Variants in TMEFF1 observed in about 807,000 individuals in gnomAD.
TMEFF1 encodes tomoregulin-1.
Under a neutral mutation model 47.5 loss-of-function variants are expected in TMEFF1, and 20 were observed. The observed-to-expected ratio is 0.42, with a 90% CI of 0.30 to 0.61. The LOEUF is 0.61. TMEFF1 is among the 20% of genes least tolerant of loss of function. The probability of loss-of-function intolerance (pLI) is 0.19; values close to 1 mark genes in which losing one functional copy is unlikely to be tolerated. For missense variants in TMEFF1, 411 were observed against 471.1 expected, an observed-to-expected ratio of 0.87 and a Z score of 1.18; for synonymous variants, 162 against 166.3, an observed-to-expected ratio of 0.97 and a Z score of 0.20.
At chr9:100,518,065 T>C (rs1325324578) in intron 5 of TMEFF1, among the ~76,000 whole-genome samples, 1 of 152,212 alleles carries the variant, frequency 6.6e-6, no homozygotes, top group East Asian at 1.9e-4. Context: ...CCCTATTTTA[T>C]ACATTTTTCT....
At chr9:100,513,258 G>A in intron 3 of TMEFF1, 49 bp from the exon 4 acceptor site, 3 of 1,576,582 alleles carry the variant, frequency 1.9e-6, no homozygotes, top group Non-Finnish European at 2.6e-6. Flanking sequence ...TTGATAAGAT[G>A]AAATTTCCGG....
chr9:100,513,399 T>C lies in TMEFF1; in HGVS notation c.463+66T>C, dbSNP rs527589697. The C allele has an allele frequency of 4.2e-4, 628 of 1,503,168 alleles. 1 individual carries two copies. Among genetic ancestry groups the C allele is most frequent in the Admixed American group, 6.2e-4 (27 of 43,210 alleles). The allele number at this position is 1,503,168 out of a possible 1,614,324, so 93.1% of individuals were successfully genotyped here. A position where few individuals can be genotyped will look rare whatever the true frequency, so the allele number is the denominator to read the frequency against. On this transcript the variant is annotated intron_variant, in intron 4 of 9. Transcript: ENST00000374879. ...TCTTTCTTTCTTTCTTTTTCTTTTT[T>C]TTTTTTTTTTTAAATCAGCTTTGAG...
intron 5 of TMEFF1, among the ~76,000 whole-genome samples, chr9:100,543,294 A>T (rs930425044): frequency 1.3e-5 from 2 of 151,754 alleles, no homozygotes; most frequent in African/African-American, 2.4e-5. Context: ...ATTTCCTCTG[A>T]CCTGTCTTCT....
At chr9:100,575,012 G>A (rs543088910) in intron 9 of TMEFF1, among the ~76,000 whole-genome samples, 1 of 152,270 alleles carries the variant, frequency 6.6e-6, no homozygotes, top group African/African-American at 2.4e-5. Context: ...TACGATTGAA[G>A]AGTCATCTCA....
At chr9:100,552,922 G>A (rs1838852261) in intron 7 of TMEFF1, among the ~76,000 whole-genome samples, 1 of 151,414 alleles carries the variant, frequency 6.6e-6, no homozygotes, top group African/African-American at 2.4e-5. Flanking sequence ...GATATGACCA[G>A]TGACTACCAT....
intron 1 of TMEFF1, among the ~76,000 whole-genome samples, chr9:100,475,616 G>A (rs1408959414): frequency 6.6e-6 from 1 of 152,084 alleles, no homozygotes; most frequent in African/African-American, 2.4e-5. Flanking sequence ...ATGTTTTTGT[G>A]TGTACTTTCT....
intron 2 of TMEFF1, among the ~76,000 whole-genome samples, chr9:100,503,019 A>T (rs189218932): frequency 6.6e-6 from 1 of 152,270 alleles, no homozygotes; most frequent in East Asian, 1.9e-4. Context: ...GCCTTCCTTT[A>T]TAAGATTATA....
In TMEFF1 at chr9:100,516,748, T is replaced by C. The variant is rs749119510; in HGVS notation, c.537T>C (p.Cys179=). 34 of 1,613,260 alleles carry C rather than the reference T, an allele frequency of 2.1e-5. No homozygotes were observed. The highest frequency in any genetic ancestry group is 2.9e-5 in the Non-Finnish European group (34 of 1,179,784). ...GACCCTGCAAATATAAAGCTGAGTG[T>C]GATGAAGATGCAGAAAATGTTGGGT... ...KCGPCKYKAE[C]DEDAENVGCV... The change falls in exon 5 of 10, where the codon TGT becomes TGC. Residue 179 remains cysteine (C), a synonymous_variant. Transcript: ENST00000374879.
At chr9:100,566,672 G>C (rs898682649) in intron 8 of TMEFF1, among the ~76,000 whole-genome samples, 1 of 152,060 alleles carries the variant, frequency 6.6e-6, no homozygotes, top group Non-Finnish European at 1.5e-5. Context: ...AATCAAAACA[G>C]CAGACAGTGA....
At chr9:100,520,410 C>T (rs1838141359) in intron 5 of TMEFF1, among the ~76,000 whole-genome samples, 2 of 152,312 alleles carry the variant, frequency 1.3e-5, no homozygotes, top group South Asian at 4.1e-4. Context: ...TCCAACCTAT[C>T]TGATTTGCAA....
In TMEFF1 at chr9:100,476,107, A is replaced by C. The variant is rs114043823; in HGVS notation, c.196+2367A>C. ...ATTCATCACTGATATAAATGTCAAT[A>C]AATTAAGCTGATCAAATAAAATGTT... On this transcript the variant is annotated intron_variant, in intron 1 of 9. Coordinates refer to ENST00000374879, the MANE Select transcript of TMEFF1 (RefSeq NM_003692.5). 2.4e-3 allele frequency among the ~76,000 whole-genome samples: 359 copies of C among 152,282 alleles called. 2 individuals carry two copies. The highest frequency in any genetic ancestry group is 8.1e-3 in the African/African-American group (337 of 41,552).
chr9:100,490,374 T>C (rs1036100200), intron 1 of TMEFF1, among the ~76,000 whole-genome samples: 1 of 152,222 alleles, frequency 6.6e-6, no homozygotes, highest in African/African-American at 2.4e-5. Flanking sequence ...TCCTGGGACT[T>C]GAAGTCAACA....
intron 5 of TMEFF1, among the ~76,000 whole-genome samples, chr9:100,527,656 G>A (rs1331762396): frequency 6.6e-6 from 1 of 152,186 alleles, no homozygotes; most frequent in African/African-American, 2.4e-5. Flanking sequence ...CGGCAGCGAG[G>A]CTGGGGGAGG....
intron 7 of TMEFF1, among the ~76,000 whole-genome samples, chr9:100,558,721 C>T (rs968546645): frequency 1.3e-5 from 2 of 151,718 alleles, no homozygotes; most frequent in East Asian, 3.9e-4. Context: ...TTTTTTCTCC[C>T]TTTACCAGGA....
Position 100,576,765 on chromosome 9 carries a change from G to A in TMEFF1, c.*165G>A, listed in dbSNP as rs768187336. ...AGCTACGACAGTTTTGGACTGTTTA[G>A]TAGTCTTTGTTTTATGTTTTTAAAT... On this transcript the variant is annotated 3_prime_UTR_variant, in exon 10 of 10. Transcript: ENST00000374879. 3.2e-5 allele frequency: 23 copies of A among 728,714 alleles called. No homozygotes were observed. The highest frequency in any genetic ancestry group is 4.5e-5 in the Non-Finnish European group (22 of 487,712). The allele number at this position is 728,714 out of a possible 1,614,324, so 45.1% of individuals were successfully genotyped here. A position where few individuals can be genotyped will look rare whatever the true frequency, so the allele number is the denominator to read the frequency against.
chr9:100,496,784 AACTTT>A (rs1013870258), intron 1 of TMEFF1, among the ~76,000 whole-genome samples: 9 of 152,232 alleles, frequency 5.9e-5, no homozygotes, highest in African/African-American at 2.2e-4. Flanking sequence ...ACAAAATAAA[AACTTT>A]ACTTATTCTT....
chr9:100,526,182 T>C (rs190056583), intron 5 of TMEFF1, among the ~76,000 whole-genome samples: 27 of 152,330 alleles, frequency 1.8e-4, no homozygotes, highest in Non-Finnish European at 2.6e-4. Context: ...CCAGTGTTGC[T>C]GTTGAAGTCT....
At chr9:100,544,424 A>C (rs1322844445) in intron 5 of TMEFF1, among the ~76,000 whole-genome samples, 4 of 152,154 alleles carry the variant, frequency 2.6e-5, no homozygotes, top group Non-Finnish European at 4.4e-5. Context: ...CCTATTTTTA[A>C]AACCATCAGA....
intron 1 of TMEFF1, among the ~76,000 whole-genome samples, chr9:100,497,001 T>G (rs1837661715): frequency 6.6e-6 from 1 of 152,234 alleles, no homozygotes; most frequent in Non-Finnish European, 1.5e-5. Context: ...TAATATTTTG[T>G]TATCTTCCTT....
Sources: gnomAD v4.1 joint callset for allele counts (sites outside exome capture counted in the v4.1 genomes callset) on GRCh38, gnomAD v4.1.1 for gene constraint, MANE v1.5 for transcripts, NCBI Gene and HGNC (gene_info 2026-07-23, HGNC 2026-07-21) for gene names.